The following STON1 variants were observed in gnomAD, a reference collection of about 807,000 sequenced individuals.
STON1 encodes the protein stonin 1.
A neutral mutation model predicts 60.9 loss-of-function variants in STON1; 79 were observed. The ratio of observed to expected loss-of-function variants is 1.30; its 90% CI spans 1.08 to 1.56. The LOEUF is 1.56. Ranked by LOEUF, STON1 falls within the 40% of genes most tolerant of loss-of-function variation. The probability of loss-of-function intolerance (pLI) is 0.00; values close to 1 mark genes in which losing one functional copy is unlikely to be tolerated. For missense variants in STON1, 1,166 were observed against 858.9 expected, an observed-to-expected ratio of 1.36 and a Z score of -4.47; for synonymous variants, 363 against 306.9, an observed-to-expected ratio of 1.18 and a Z score of -1.91.
intron 3 of STON1, among the ~76,000 whole-genome samples, chr2:48,592,072 A>G (rs1388914456): frequency 6.6e-6 from 1 of 152,186 alleles, no homozygotes; most frequent in African/African-American, 2.4e-5. Flanking sequence ...TTTAGCTCTC[A>G]ATGAAAAACA....
chr2:48,573,528 T>C (rs13010692), intron 1 of STON1, among the ~76,000 whole-genome samples: 49,749 of 151,916 alleles, frequency 0.33, 8,260 homozygotes, highest in East Asian at 0.43. Context: ...AGTGACAGAG[T>C]GGTGCCCAGA....
At chr2:48,540,422 T>A (rs1209612251) in intron 1 of STON1, among the ~76,000 whole-genome samples, 2 of 152,076 alleles carry the variant, frequency 1.3e-5, no homozygotes, top group Non-Finnish European at 2.9e-5. Context: ...CCCAATGCCC[T>A]GGAGGAAGGA....
intron 1 of STON1, among the ~76,000 whole-genome samples, chr2:48,548,858 A>G (rs537362871): frequency 3.3e-5 from 5 of 152,114 alleles, no homozygotes; most frequent in African/African-American, 1.2e-4. Flanking sequence ...ATACTACAAC[A>G]TTTTTACTGC....
intron 1 of STON1, among the ~76,000 whole-genome samples, chr2:48,551,128 ACTT>A (rs893363979): frequency 2.0e-5 from 3 of 152,184 alleles, no homozygotes; most frequent in East Asian, 3.9e-4. Context: ...ATCAAGAACA[ACTT>A]CTTCTTAAAC....
chr2:48,564,733 C>CTTTTTTTTTTT (rs776637856), intron 1 of STON1, among the ~76,000 whole-genome samples: 4 of 100,910 alleles, frequency 4.0e-5, no homozygotes, highest in Non-Finnish European at 6.0e-5. Flanking sequence ...TTCTTTCTTT[C>CTTTTTTTTTTT]TTTTTTTTTT....
rs1403169453 is a variant in STON1 at position 48,537,399 on chromosome 2, T to C, written c.-48+7183T>C. On this transcript the variant is annotated intron_variant, in intron 1 of 3. Transcript: ENST00000404752. ...ATGAGATGATCATTTTTTCTTGATA[T>C]TACATTGTGATAAGATGAGCGTATT... Among the ~76,000 whole-genome samples the C allele has an allele frequency of 2.6e-5, 4 of 152,338 alleles. No homozygotes were observed. The East Asian group carries it at 7.7e-4, about 29-fold the overall frequency.
At chr2:48,590,102 T>A (rs1247902316) in intron 2 of STON1, among the ~76,000 whole-genome samples, 4 of 152,202 alleles carry the variant, frequency 2.6e-5, no homozygotes, top group Admixed American at 2.6e-4. Context: ...ACTTACTGTA[T>A]CCTCACTGCA....
chr2:48,576,012 C>T (rs1195148771), intron 1 of STON1, among the ~76,000 whole-genome samples: 1 of 151,486 alleles, frequency 6.6e-6, no homozygotes, highest in African/African-American at 2.4e-5. Context: ...CCTGTCTTGG[C>T]CTCCCAAAGT....
chr2:48,570,777 G>A (rs903527078), intron 1 of STON1, among the ~76,000 whole-genome samples: 6 of 148,852 alleles, frequency 4.0e-5, no homozygotes, highest in Non-Finnish European at 3.0e-5. Flanking sequence ...AGAAATTCTA[G>A]CCATAATACA....
intron 1 of STON1, among the ~76,000 whole-genome samples, chr2:48,574,474 C>A (rs1418672050): frequency 6.6e-6 from 1 of 151,966 alleles, no homozygotes; most frequent in Non-Finnish European, 1.5e-5. Context: ...AGCCACTGAA[C>A]TGACACTTTT....
intron 2 of STON1, among the ~76,000 whole-genome samples, chr2:48,586,223 T>C (rs1399898365): frequency 3.3e-5 from 5 of 152,244 alleles, no homozygotes; most frequent in African/African-American, 4.8e-5. Flanking sequence ...GAGTCATTGG[T>C]GTAGTTAACT....
chr2:48,590,985 G>A (rs1234105178), intron 2 of STON1, among the ~76,000 whole-genome samples: 5 of 152,048 alleles, frequency 3.3e-5, no homozygotes, highest in Non-Finnish European at 7.4e-5. Flanking sequence ...AATTTGGGCT[G>A]AAGTTTATTT....
In STON1 at chr2:48,597,240, G is replaced by C. The variant is rs1010470701; in HGVS notation, c.*1938G>C. ...TGTTGATGTAGAGTAGGGCAAATCT[G>C]TGTGTGTATGTCATTAAAAAAATTC... On this transcript the variant is annotated 3_prime_UTR_variant, in exon 4 of 4. Coordinates refer to ENST00000404752, the MANE Select transcript of STON1 (RefSeq NM_006873.4). The C allele has an allele frequency of 6.6e-6, 1 of 152,124 alleles. No homozygotes were observed. The highest frequency in any genetic ancestry group is 2.4e-5 in the African/African-American group (1 of 41,422). 9.4% of individuals were successfully genotyped at this position (152,124 alleles called of 1,614,324 possible). A position where few individuals can be genotyped will look rare whatever the true frequency, so the allele number is the denominator to read the frequency against.
At chr2:48,577,213 G>C (rs963854790) in intron 1 of STON1, among the ~76,000 whole-genome samples, 1 of 151,978 alleles carries the variant, frequency 6.6e-6, no homozygotes, top group Non-Finnish European at 1.5e-5. Flanking sequence ...TGTTGCCTGT[G>C]CTTTGCTGTC....
At chr2:48,574,561 A>G (rs1673373123) in intron 1 of STON1, among the ~76,000 whole-genome samples, 1 of 152,184 alleles carries the variant, frequency 6.6e-6, no homozygotes, top group South Asian at 2.1e-4. Context: ...TCTACCTCTT[A>G]CTGGCTGGGC....
At chr2:48,535,097 A>T (rs114469660) in intron 1 of STON1, among the ~76,000 whole-genome samples, 3,128 of 152,196 alleles carry the variant, frequency 0.021, 104 homozygotes, top group African/African-American at 0.069. Context: ...TGCAGATTAC[A>T]GGGTGTCATC....
chr2:48,535,571 G>A (rs556243193), intron 1 of STON1, among the ~76,000 whole-genome samples: 43 of 152,234 alleles, frequency 2.8e-4, no homozygotes, highest in African/African-American at 9.1e-4. Context: ...TCAGCTGGGC[G>A]CAGTGGCTCA....
chr2:48,572,625 A>G (rs1673275081), intron 1 of STON1, among the ~76,000 whole-genome samples: 1 of 152,248 alleles, frequency 6.6e-6, no homozygotes, highest in Non-Finnish European at 1.5e-5. Context: ...TTGAAGCTAC[A>G]AGGAAAACTG....
In STON1 at chr2:48,530,206, C is replaced by T. The variant is rs1358087984; in HGVS notation, c.-58C>T. 3.4e-5 allele frequency: 14 copies of T among 408,010 alleles called. No homozygotes were observed. The highest frequency in any genetic ancestry group is 5.8e-5 in the Non-Finnish European group (12 of 207,498). 25.3% of individuals were successfully genotyped at this position (408,010 alleles called of 1,614,324 possible). A position where few individuals can be genotyped will look rare whatever the true frequency, so the allele number is the denominator to read the frequency against. On this transcript the variant is annotated 5_prime_UTR_variant, in exon 1 of 4. Transcript: ENST00000404752. ...GCTGCGGCCAGAATCGGAGCCCCAA[C>T]CGCGCTGCCGGTGAGTGACCAGCCC...
Sources: allele counts gnomAD v4.1 joint callset (sites outside exome capture counted in the v4.1 genomes callset), GRCh38; gene constraint gnomAD v4.1.1; transcripts MANE v1.5; gene names NCBI Gene and HGNC (gene_info 2026-07-23, HGNC 2026-07-21).